The following BEND7 variants were observed in gnomAD, a reference collection of about 807,000 sequenced individuals.
The protein encoded by BEND7 is BEN domain-containing protein 7.
BEND7 carries 28 observed loss-of-function variants against 50.9 expected under a neutral mutation model. The observed-to-expected ratio is 0.55, with a 90% confidence interval of 0.41 to 0.75. The LOEUF (loss-of-function observed/expected upper bound fraction) is 0.75, where lower values mean the gene tolerates loss of function less well. BEND7 is among the 30% of genes least tolerant of loss of function. BEND7 has a pLI of 0.00. For missense variants in BEND7, 477 were observed against 491.3 expected (o/e 0.97, Z 0.28); for synonymous variants, 170 against 183.9 (o/e 0.92, Z 0.61).
chr10:13,483,077 C>G (rs946695369), intron 5 of BEND7, among the ~76,000 whole-genome samples: 2 of 151,978 alleles, frequency 1.3e-5, no homozygotes, highest in Non-Finnish European at 2.9e-5. Flanking sequence ...CCAAGTTTAT[C>G]TTACAGAAGC....
intron 2 of BEND7, among the ~76,000 whole-genome samples, chr10:13,521,843 G>A (rs2079097994): frequency 1.3e-5 from 2 of 152,220 alleles, no homozygotes; most frequent in South Asian, 4.1e-4. Flanking sequence ...AGTCCTCCAG[G>A]GAGGAGAACG....
At chr10:13,440,711 C>T (rs1054485928), downstream of BEND7, among the ~76,000 whole-genome samples, 19 of 152,176 alleles carry the variant, frequency 1.2e-4, no homozygotes, top group Non-Finnish European at 8.8e-5. Flanking sequence ...CGCTCAGCAT[C>T]GGAGAAGATT....
intron 2 of BEND7, among the ~76,000 whole-genome samples, chr10:13,506,758 C>T (rs988772259): frequency 7.3e-6 from 1 of 137,796 alleles, no homozygotes; most frequent in Non-Finnish European, 1.6e-5. Flanking sequence ...GGAAATGGAG[C>T]GAGATGGAGA....
intron 2 of BEND7, among the ~76,000 whole-genome samples, chr10:13,515,765 G>C (rs2132551732): frequency 6.6e-6 from 1 of 152,304 alleles, no homozygotes; most frequent in African/African-American, 2.4e-5. Flanking sequence ...GTGTTCAGTT[G>C]ATGGCAATGG....
intron 5 of BEND7, among the ~76,000 whole-genome samples, chr10:13,485,437 G>T (rs1312096844): frequency 6.6e-6 from 1 of 152,176 alleles, no homozygotes; most frequent in South Asian, 2.1e-4. Flanking sequence ...GGGCTGTTTG[G>T]ACTAGGTCAT....
rs564901609 is a variant in BEND7, at chr10:13,520,506, T to C, written c.145+5632A>G. On this transcript the variant is annotated intron_variant, in intron 2 of 8. Transcript: ENST00000466271. ...GGGCTTTGCCTTGATTCTAGGCCCA[T>C]GACAAGGGAGCTGAAGTCTCTAAGC... is the stretch of plus-strand genomic sequence containing the variant. 4.8e-4 allele frequency among the ~76,000 whole-genome samples: 73 copies of C among 151,872 alleles called. 1 individual carries two copies. The highest frequency in any genetic ancestry group is 1.4e-3 in the African/African-American group (57 of 41,418).
At chr10:13,481,772 G>A (rs1246348886) in intron 5 of BEND7, among the ~76,000 whole-genome samples, 1 of 152,216 alleles carries the variant, frequency 6.6e-6, no homozygotes, top group African/African-American at 2.4e-5. Context: ...GAAGGAAAAT[G>A]TGAAACTATG....
chr10:13,453,836 T>C (rs1354646502), intron 6 of BEND7, among the ~76,000 whole-genome samples: 3 of 152,232 alleles, frequency 2.0e-5, no homozygotes, highest in East Asian at 1.9e-4. Context: ...AAAACCCTTT[T>C]GAGAAATAAG....
intron 6 of BEND7, among the ~76,000 whole-genome samples, chr10:13,462,291 A>G (rs1840373332): frequency 6.6e-6 from 1 of 152,208 alleles, no homozygotes; most frequent in Admixed American, 6.5e-5. Flanking sequence ...CCTCACAATC[A>G]CCGTGGAAGG....
intron 2 of BEND7, among the ~76,000 whole-genome samples, chr10:13,518,002 T>C (rs1048611812): frequency 2.0e-5 from 3 of 152,236 alleles, no homozygotes; most frequent in African/African-American, 7.2e-5. Flanking sequence ...AACACACTGG[T>C]TCAAAATCCT....
At chr10:13,462,412 G>A (rs1217643470) in intron 6 of BEND7, among the ~76,000 whole-genome samples, 1 of 152,154 alleles carries the variant, frequency 6.6e-6, no homozygotes, top group Non-Finnish European at 1.5e-5. Flanking sequence ...ACTACCACAA[G>A]AACAGTATGG....
intron 2 of BEND7, among the ~76,000 whole-genome samples, chr10:13,519,515 A>C (rs1234579035): frequency 3.3e-5 from 5 of 152,138 alleles, no homozygotes; most frequent in African/African-American, 1.2e-4. Context: ...GATAACTCCT[A>C]AATCTGGGAG....
intron 5 of BEND7, among the ~76,000 whole-genome samples, chr10:13,487,806 T>G (rs2076341237): frequency 6.6e-6 from 1 of 151,998 alleles, no homozygotes; most frequent in South Asian, 2.1e-4. Flanking sequence ...GAAAACAGAT[T>G]TCAAGGCCGG....
intron 6 of BEND7, among the ~76,000 whole-genome samples, chr10:13,454,900 G>A (rs562148929): frequency 2.4e-4 from 36 of 152,218 alleles, no homozygotes; most frequent in Middle Eastern, 3.4e-3. Context: ...GGCTGGGCGC[G>A]GTGGCTCACG....
intron 6 of BEND7, among the ~76,000 whole-genome samples, chr10:13,464,904 G>A (rs1388091457): frequency 6.6e-6 from 1 of 152,198 alleles, no homozygotes; most frequent in Non-Finnish European, 1.5e-5. Context: ...AGAAGACTCA[G>A]TAATTTGCCT....
chr10:13,510,707 A>G (rs1043904056), intron 2 of BEND7, among the ~76,000 whole-genome samples: 4 of 152,216 alleles, frequency 2.6e-5, no homozygotes, highest in African/African-American at 9.6e-5. Context: ...CTGGTTCCAA[A>G]TAGGCAGTCA....
chr10:13,487,654 A>G (rs1462214879), intron 5 of BEND7, among the ~76,000 whole-genome samples: 6 of 152,154 alleles, frequency 3.9e-5, no homozygotes, highest in East Asian at 3.9e-4. Context: ...CCAAAGTGCT[A>G]GGATTACAGG....
At chr10:13,484,297 A>T (rs982499033) in intron 5 of BEND7, among the ~76,000 whole-genome samples, 1 of 152,238 alleles carries the variant, frequency 6.6e-6, no homozygotes, top group East Asian at 1.9e-4. Context: ...AGAACAAAAG[A>T]GGGCAGCTTT....
chr10:13,476,527 A>G (rs1211445395), intron 6 of BEND7, among the ~76,000 whole-genome samples: 2 of 151,710 alleles, frequency 1.3e-5, no homozygotes, highest in Admixed American at 6.5e-5. Flanking sequence ...ATCACTATGA[A>G]GTCGAATTAA....
Sources: allele counts gnomAD v4.1 joint callset (sites outside exome capture counted in the v4.1 genomes callset), GRCh38; gene constraint gnomAD v4.1.1; transcripts MANE v1.5; gene names NCBI Gene and HGNC (gene_info 2026-07-23, HGNC 2026-07-21).